PRPS1: variants seen among roughly 807,000 people sequenced by gnomAD.
PRPS1 encodes the protein ribose-phosphate pyrophosphokinase 1.
Under a neutral mutation model 16.9 loss-of-function variants are expected in PRPS1, and 1 was observed. The ratio of observed to expected loss-of-function variants is 0.06; its 90% CI spans 0.02 to 0.28. The LOEUF is 0.28. Among genes scored for constraint, PRPS1 ranks in the 10% least tolerant of loss-of-function variants. PRPS1 has a pLI of 1.00. For synonymous variants in PRPS1, 70 were observed against 90.2 expected (o/e 0.78, Z 1.27); for missense variants, 47 against 254.0 (o/e 0.19, Z 5.54).
chrX:107,638,105 AT>A (rs57348912), intron 1 of PRPS1, among the ~76,000 whole-genome samples: 147 of 103,293 alleles, frequency 1.4e-3, no homozygotes, highest in African/African-American at 4.1e-3. Context: ...CACTCAGCTA[AT>A]TTTTTTTTTT....
intron 1 of PRPS1, among the ~76,000 whole-genome samples, chrX:107,633,969 A>G (rs1297820393): frequency 8.9e-6 from 1 of 111,904 alleles, no homozygotes; most frequent in Non-Finnish European, 1.9e-5. Context: ...AATCAACTCT[A>G]TTAAAGCTAT....
At position 107,647,621 on chromosome X, in the gene PRPS1, C is replaced by T. The variant is rs746885792; in HGVS notation, c.720C>T (p.Gly240=). 32 of 1,209,550 alleles carry T rather than the reference C, an allele frequency of 2.6e-5. No homozygotes were observed. The East Asian group carries it at 4.1e-4, about 16-fold the overall frequency. The stretch of plus-strand genomic sequence containing the variant: ...TTCCCTCTAGACTTCTCTCAGCTGG[C>T]GCCACCAGAGTTTATGCCATCTTGA... ...CHAADKLLSA[G]ATRVYAILTH... is the part of the protein sequence containing the mutation. Residue 240 remains glycine (G), a synonymous_variant, in exon 6 of 7, where the codon GGC becomes GGT. Transcript: ENST00000372435.
rs754836548 is a variant in PRPS1 at position 107,635,088 on chromosome X, G to A, written c.123-4207G>A. Among the ~76,000 whole-genome samples the A allele has an allele frequency of 2.3e-3, 251 of 111,451 alleles. 2 individuals are homozygous for A. Among genetic ancestry groups the A allele is most frequent in the Admixed American group, 2.4e-3 (25 of 10,563 alleles). On this transcript the variant is annotated intron_variant, in intron 1 of 6. Coordinates refer to ENST00000372435, the MANE Select transcript of PRPS1 (RefSeq NM_002764.4). Reference sequence around the variant, plus strand: ...GATCACCTGACCTCGTGATCCGCCCGCCTCGGCCTCCCAAAGTGCTGGGAT... The same window carrying A: ...GATCACCTGACCTCGTGATCCGCCCACCTCGGCCTCCCAAAGTGCTGGGAT...
intron 6 of PRPS1, among the ~76,000 whole-genome samples, chrX:107,647,993 A>AT (rs1925742853): frequency 1.8e-5 from 2 of 111,372 alleles, no homozygotes; most frequent in Admixed American, 1.9e-4. Context: ...AAAAGTTTAA[A>AT]TTGCTACACC....
intron 1 of PRPS1, among the ~76,000 whole-genome samples, chrX:107,634,104 T>A (rs1264908090): frequency 8.9e-6 from 1 of 111,903 alleles, no homozygotes; most frequent in Non-Finnish European, 1.9e-5. Flanking sequence ...AACCGTTTGT[T>A]AAGGTAGGTA....
In PRPS1 at chrX:107,628,669, A is replaced by C; in HGVS notation, c.41A>C (p.Asp14Ala). 8.3e-7 allele frequency: 1 copy of C among 1,211,607 alleles called. No homozygotes were observed. Among genetic ancestry groups the C allele is most frequent in the Non-Finnish European group, 1.1e-6 (1 of 895,512 alleles). Residue 14 changes from aspartate (D) to alanine (A), a missense_variant, in exon 1 of 7, where the codon GAC becomes GCC. Transcript: ENST00000372435. ...ATCTTCAGCGGCAGCTCCCACCAGG[A>C]CTTATCTCAGAAAATTGCTGACCGC... Reference protein sequence around the residue: ...IKIFSGSSHQDLSQKIADRLG... With the variant: ...IKIFSGSSHQALSQKIADRLG...
chrX:107,644,964 G>A (rs1925657260), intron 4 of PRPS1, among the ~76,000 whole-genome samples: 2 of 110,867 alleles, frequency 1.8e-5, no homozygotes, highest in Admixed American at 1.9e-4. Flanking sequence ...ACAGGCGCCC[G>A]CCACCATGCC....
chrX:107,634,124 T>G (rs1239928466), intron 1 of PRPS1, among the ~76,000 whole-genome samples: 1 of 111,633 alleles, frequency 9.0e-6, no homozygotes, highest in African/African-American at 3.2e-5. Flanking sequence ...ATCAGAAGCC[T>G]TATAGAACCA....
intron 5 of PRPS1, among the ~76,000 whole-genome samples, chrX:107,646,161 A>G (rs1243389172): frequency 9.0e-6 from 1 of 111,572 alleles, no homozygotes; most frequent in East Asian, 2.8e-4. Flanking sequence ...GGAGTGTAGT[A>G]GTACAATTAC....
chrX:107,639,195 C>A, intron 1 of PRPS1, 100 bp from the exon 2 acceptor site: 1 of 1,004,457 alleles, frequency 1.0e-6, no homozygotes, highest in Non-Finnish European at 1.4e-6. Flanking sequence ...ATTTTCAATC[C>A]ACACTTGGTT....
chrX:107,649,221 A>G (rs1925773929), intron 6 of PRPS1, among the ~76,000 whole-genome samples: 1 of 110,871 alleles, frequency 9.0e-6, no homozygotes, highest in Admixed American at 9.7e-5. Context: ...AGTAGCTGGG[A>G]CTACAGGCAT....
chrX:107,635,932 C>T (rs926801037), intron 1 of PRPS1, among the ~76,000 whole-genome samples: 4 of 107,140 alleles, frequency 3.7e-5, no homozygotes, highest in East Asian at 6.1e-4. Flanking sequence ...TGGTGGCGTG[C>T]GGCTGTAGTT....
At chrX:107,642,209 C>T (rs1433792741) in intron 3 of PRPS1, among the ~76,000 whole-genome samples, 157 bp from the exon 4 acceptor site, 1 of 112,093 alleles carries the variant, frequency 8.9e-6, no homozygotes, top group Non-Finnish European at 1.9e-5. Flanking sequence ...AGCCCAGATT[C>T]AAGGAGGCTT....
chrX:107,632,946 C>T (rs956357533), intron 1 of PRPS1, among the ~76,000 whole-genome samples: 1 of 111,858 alleles, frequency 8.9e-6, no homozygotes, highest in African/African-American at 3.2e-5. Flanking sequence ...GCAGTATCAC[C>T]TAGTTTACTT....
At chrX:107,644,357 A>G (rs941402113) in intron 4 of PRPS1, among the ~76,000 whole-genome samples, 1 of 111,470 alleles carries the variant, frequency 9.0e-6, no homozygotes, top group Non-Finnish European at 1.9e-5. Flanking sequence ...TGTTTTGCCA[A>G]CAGCACTGAG....
At chrX:107,634,187 A>G (rs1228369421) in intron 1 of PRPS1, among the ~76,000 whole-genome samples, 1 of 110,552 alleles carries the variant, frequency 9.0e-6, no homozygotes, top group Non-Finnish European at 1.9e-5. Context: ...TCTAAAGTTT[A>G]GTGTTACTTT....
Position 107,628,662 on chromosome X carries a change from C to T in PRPS1, c.34C>T (p.His12Tyr). 8.3e-7 allele frequency: 1 copy of T among 1,211,752 alleles called. No homozygotes were observed. The highest frequency in any genetic ancestry group is 1.7e-5 in the African/African-American group (1 of 57,791). The change falls in exon 1 of 7, where the codon CAC (histidine) becomes TAC (tyrosine). Residue 12 changes from histidine to tyrosine, a missense_variant. Transcript: ENST00000372435. ...TATCAAAATCTTCAGCGGCAGCTCCCACCAGGACTTATCTCAGAAAATTGC... is the reference window on the plus strand; with the variant it reads ...TATCAAAATCTTCAGCGGCAGCTCCTACCAGGACTTATCTCAGAAAATTGC... The part of the protein sequence containing the change: ...PNIKIFSGSS[H>Y]QDLSQKIADR...
In PRPS1 at chrX:107,628,581, T is replaced by TGCA. The variant is rs1556297570; in HGVS notation, c.-42_-40dup. 1 of 1,209,243 alleles carries TGCA rather than the reference T, an allele frequency of 8.3e-7. No homozygotes were observed. The highest frequency in any genetic ancestry group is 1.7e-5 in the African/African-American group (1 of 57,250). Reference sequence around the variant, plus strand: ...TGTGGCCGACTTCGGTTCCGGTCTCTGCAGCAGCCGTGATCGCTTAGTGGA... The same window carrying TGCA: ...TGTGGCCGACTTCGGTTCCGGTCTCTGCAGCAGCAGCCGTGATCGCTTAGTGGA... On this transcript the variant is annotated 5_prime_UTR_variant, in exon 1 of 7. Coordinates refer to ENST00000372435, the MANE Select transcript of PRPS1 (RefSeq NM_002764.4).
At chrX:107,644,959 C>T (rs1197533921) in intron 4 of PRPS1, among the ~76,000 whole-genome samples, 6 of 111,032 alleles carry the variant, frequency 5.4e-5, no homozygotes, top group Non-Finnish European at 9.4e-5. Flanking sequence ...GGACTACAGG[C>T]GCCCGCCACC....
Sources: allele counts gnomAD v4.1 joint callset (sites outside exome capture counted in the v4.1 genomes callset), GRCh38; gene constraint gnomAD v4.1.1; transcripts MANE v1.5; gene names NCBI Gene and HGNC (gene_info 2026-07-23, HGNC 2026-07-21).